MEI1: variants seen among roughly 807,000 people sequenced by gnomAD.
MEI1 encodes the protein meiosis inhibitor protein 1.
MEI1 carries 103 observed loss-of-function variants against 146.2 expected under a neutral mutation model. That is an observed-to-expected ratio of 0.70 (90% confidence interval 0.60 to 0.83). MEI1 has a LOEUF of 0.83. Among genes scored for constraint, MEI1 ranks in the 40% least tolerant of loss-of-function variants. The pLI, the probability that MEI1 is intolerant of heterozygous loss-of-function variation, is 0.00. For missense variants in MEI1, 1,529 were observed against 1,533.0 expected, an observed-to-expected ratio of 1.00 and a Z score of 0.04; for synonymous variants, 652 against 628.2, an observed-to-expected ratio of 1.04 and a Z score of -0.57.
intron 30 of MEI1, among the ~76,000 whole-genome samples, chr22:41,796,561 C>T (rs2076366015): frequency 6.6e-6 from 1 of 152,088 alleles, no homozygotes; most frequent in Admixed American, 6.6e-5. Flanking sequence ...GGTTGAGCAT[C>T]CCTAATACAA....
chr22:41,746,093 C>A, intron 14 of MEI1, 67 bp downstream of exon 14: 1 of 1,467,096 alleles, frequency 6.8e-7, no homozygotes, highest in Non-Finnish European at 9.2e-7. Flanking sequence ...GCGAGCCAGG[C>A]TCAGAGGCAT....
intron 26 of MEI1, among the ~76,000 whole-genome samples, chr22:41,791,580 G>C (rs1040912941): frequency 6.6e-6 from 1 of 152,172 alleles, no homozygotes; most frequent in African/African-American, 2.4e-5. Context: ...ACAAGAGGCT[G>C]TACATGCAGA....
rs2075746720 is a variant in MEI1, at chr22:41,781,300, G to A, written c.2832G>A (p.Gly944=). ...CTCTTGCAGTAAGCAAGCTGTGTGG[G>A]AAGTGCAGCCCCACTGACGTGGACA... ...KLLHQVSKLC[G]KCSPTDVDIL... is the part of the protein sequence containing the mutation. Residue 944 remains glycine, a synonymous_variant, in exon 23 of 31, where the codon GGG becomes GGA. Coordinates refer to ENST00000401548, the MANE Select transcript of MEI1 (RefSeq NM_152513.4). 1 of 1,612,014 alleles carries A rather than the reference G, an allele frequency of 6.2e-7. No homozygotes were observed. Among genetic ancestry groups the A allele is most frequent in the Admixed American group, 1.7e-5 (1 of 59,728 alleles).
chr22:41,773,226 C>T (rs1224681787), intron 20 of MEI1, among the ~76,000 whole-genome samples: 1 of 152,188 alleles, frequency 6.6e-6, no homozygotes, highest in African/African-American at 2.4e-5. Context: ...TTGTGTTTCA[C>T]TTGGCATAGA....
intron 26 of MEI1, among the ~76,000 whole-genome samples, chr22:41,789,452 C>T (rs2076099823): frequency 6.6e-6 from 1 of 152,218 alleles, no homozygotes; most frequent in Admixed American, 6.5e-5. Context: ...GTGTGAGTCA[C>T]TGCACCTGGC....
intron 10 of MEI1, 27 bp from the exon 11 acceptor site, chr22:41,732,442 A>G (rs2071949004): frequency 1.2e-6 from 2 of 1,613,564 alleles, no homozygotes; most frequent in South Asian, 2.2e-5. Context: ...GAGTTCACCT[A>G]CTCGTTTCTC....
chr22:41,772,276 C>T (rs537552845), intron 20 of MEI1, among the ~76,000 whole-genome samples: 1 of 152,068 alleles, frequency 6.6e-6, no homozygotes, highest in South Asian at 2.1e-4. Context: ...GGCTAGAGTG[C>T]AGTGGCAGGA....
Position 41,763,273 on chromosome 22 carries a change from CATCT to C in MEI1, c.2225_2228del (p.Tyr742CysfsTer24). The C allele has an allele frequency of 6.2e-7, 1 of 1,613,948 alleles. No homozygotes were observed. ...CCCCACTGGTGGTCTTCAAAGCCTC[CATCT>C]ATCTGCTTGCAATCTGCCAGGACAA... On this transcript the variant is annotated frameshift_variant, in exon 19 of 31. Coordinates refer to ENST00000401548, the MANE Select transcript of MEI1 (RefSeq NM_152513.4). LOFTEE classifies it high-confidence loss of function.
chr22:41,743,968 C>G (rs1179499754), intron 12 of MEI1, among the ~76,000 whole-genome samples: 1 of 152,052 alleles, frequency 6.6e-6, no homozygotes, highest in African/African-American at 2.4e-5. Flanking sequence ...CCTCCGCCTC[C>G]CGGGTTCCAG....
At chr22:41,755,237 A>G (rs1163244305) in intron 17 of MEI1, among the ~76,000 whole-genome samples, 2 of 152,168 alleles carry the variant, frequency 1.3e-5, no homozygotes, top group Non-Finnish European at 1.5e-5. Flanking sequence ...TCATTCATTC[A>G]ACAAATATAC....
chr22:41,717,308 G>A (rs1204433433), intron 5 of MEI1, among the ~76,000 whole-genome samples: 1 of 152,076 alleles, frequency 6.6e-6, no homozygotes. Flanking sequence ...GATTATAGGC[G>A]TCCGCCACAA....
chr22:41,765,883 CTTTTTTTTTTTTTTT>C (rs1013045266), intron 19 of MEI1, among the ~76,000 whole-genome samples: 1 of 86,134 alleles, frequency 1.2e-5, no homozygotes, highest in Admixed American at 1.3e-4. Context: ...CCAAAATGTT[CTTTTTTTTTTTTTTT>C]TTTTTTTTTT....
At chr22:41,793,793 A>G in intron 26 of MEI1, 36 bp from the exon 27 acceptor site, 1 of 1,551,696 alleles carries the variant, frequency 6.4e-7, no homozygotes, top group Admixed American at 2.1e-5. Context: ...CATTGGTAGC[A>G]AAACCTGACC....
At chr22:41,700,509 T>C (rs1435511137) in intron 1 of MEI1, among the ~76,000 whole-genome samples, 1 of 152,162 alleles carries the variant, frequency 6.6e-6, no homozygotes, top group Non-Finnish European at 1.5e-5. Flanking sequence ...TTCTCTATTT[T>C]TAGTAGAGAC....
chr22:41,730,528 C>T lies in MEI1; in HGVS notation c.987C>T (p.Leu329=). 12 of 1,611,986 alleles carry T rather than the reference C, an allele frequency of 7.4e-6. No homozygotes were observed. Among genetic ancestry groups the T allele is most frequent in the Non-Finnish European group, 9.3e-6 (11 of 1,178,062 alleles). Reference sequence around the variant, plus strand: ...CATCCTCTCCCTTGTTAGAGTTCCTCTTTGAGCATCTTTCTTCTTCCAGTG... The same window carrying T: ...CATCCTCTCCCTTGTTAGAGTTCCTTTTTGAGCATCTTTCTTCTTCCAGTG... The part of the protein sequence containing the change: ...AFIHADIPEF[L]FEHLSSSSEV... The change falls in exon 9 of 31, where the codon CTC becomes CTT. Residue 329 remains leucine (L), a synonymous_variant. Transcript: ENST00000401548.
intron 17 of MEI1, among the ~76,000 whole-genome samples, 183 bp downstream of exon 17, chr22:41,754,229 A>T (rs1421727448): frequency 1.3e-5 from 2 of 152,150 alleles, no homozygotes; most frequent in Admixed American, 1.3e-4. Context: ...ATAGAACTGG[A>T]AAATGATGGA....
At chr22:41,732,729 A>G in intron 11 of MEI1, 126 bp downstream of exon 11, 1 of 1,087,914 alleles carries the variant, frequency 9.2e-7, no homozygotes, top group Admixed American at 3.1e-5. Flanking sequence ...GGCCCTTCAT[A>G]ATTGTGGATT....
chr22:41,748,283 A>G (rs1335321710), intron 15 of MEI1, 65 bp downstream of exon 15: 2 of 1,030,316 alleles, frequency 1.9e-6, no homozygotes, highest in African/African-American at 1.6e-5. Context: ...CTCAGAGAGT[A>G]TTCAAAGAGA....
chr22:41,777,376 G>A (rs1252554832), intron 21 of MEI1, among the ~76,000 whole-genome samples: 1 of 145,968 alleles, frequency 6.9e-6, no homozygotes, highest in Non-Finnish European at 1.5e-5. Flanking sequence ...GGCTGGTCTC[G>A]AACTCCTGAC....
Sources: gnomAD v4.1 joint callset for allele counts (sites outside exome capture counted in the v4.1 genomes callset) on GRCh38, gnomAD v4.1.1 for gene constraint, MANE v1.5 for transcripts, NCBI Gene and HGNC (gene_info 2026-07-23, HGNC 2026-07-21) for gene names.